The following GNG7 variants were observed in gnomAD, a reference collection of about 807,000 sequenced individuals.
The protein encoded by GNG7 is guanine nucleotide-binding protein G(I)/G(S)/G(O) subunit gamma-7.
Under a neutral mutation model 4.0 loss-of-function variants are expected in GNG7, and 1 was observed. The observed-to-expected ratio is 0.25, with a 90% CI of 0.09 to 1.18. GNG7 has a LOEUF of 1.18. Ranked by LOEUF, GNG7 falls within the 50% of genes most tolerant of loss-of-function variation. The pLI is 0.50. For synonymous variants in GNG7, 34 were observed against 36.9 expected, an observed-to-expected ratio of 0.92 and a Z score of 0.29; for missense variants, 86 against 91.9, an observed-to-expected ratio of 0.94 and a Z score of 0.26.
At chr19:2,660,360 T>C (rs1057462726) in intron 1 of GNG7, among the ~76,000 whole-genome samples, 4 of 152,208 alleles carry the variant, frequency 2.6e-5, no homozygotes, top group South Asian at 2.1e-4. Flanking sequence ...GGGTTGATGC[T>C]GTGGGTAAGA....
Position 2,512,362 on chromosome 19 carries a change from A to G in GNG7, c.*2660T>C. The G allele has an allele frequency of 1.0e-6, 1 of 985,632 alleles. No individual in the cohort carries two copies. The highest frequency in any genetic ancestry group is 1.2e-6 in the Non-Finnish European group (1 of 829,876). 61.1% of individuals were successfully genotyped at this position (985,632 alleles called of 1,614,324 possible). On this transcript the variant is annotated 3_prime_UTR_variant, in exon 5 of 5. Coordinates refer to ENST00000382159, the MANE Select transcript of GNG7 (RefSeq NM_052847.3). This position sits in a 1 kb window ranked among gnomAD's most constrained non-coding sequence, Gnocchi z 4.7. The stretch of plus-strand genomic sequence containing the variant: ...ACTGAAGTCTACTCAAGAAAAAAAA[A>G]AGTGGAGAATTTTTTTTTTAATCCC...
At chr19:2,659,482 T>C (rs1161782058) in intron 1 of GNG7, among the ~76,000 whole-genome samples, 1 of 148,342 alleles carries the variant, frequency 6.7e-6, no homozygotes, top group African/African-American at 2.5e-5. Context: ...CCCAGCTACT[T>C]GGGAAGCTGA....
chr19:2,680,144 C>CTT (rs775146336), intron 1 of GNG7, among the ~76,000 whole-genome samples: 2,906 of 118,908 alleles, frequency 0.024, 163 homozygotes, highest in African/African-American at 0.083. Flanking sequence ...GACCTTGTCT[C>CTT]TTTTTTTTTT....
intron 3 of GNG7, among the ~76,000 whole-genome samples, chr19:2,520,987 G>A (rs943480838): frequency 6.6e-6 from 1 of 152,100 alleles, no homozygotes; most frequent in Non-Finnish European, 1.5e-5. Flanking sequence ...TGGGCGTGGT[G>A]GCTCACGCCT....
At chr19:2,586,638 C>A (rs1039273572) in intron 2 of GNG7, among the ~76,000 whole-genome samples, 2 of 152,178 alleles carry the variant, frequency 1.3e-5, no homozygotes, top group African/African-American at 4.8e-5. Context: ...CACACACGCA[C>A]GCAAGCATCC....
chr19:2,577,949 C>T (rs1053510206), intron 2 of GNG7, among the ~76,000 whole-genome samples: 1 of 151,720 alleles, frequency 6.6e-6, no homozygotes. Context: ...CAGATCCTCC[C>T]ACCTCAGCCC....
chr19:2,552,802 CA>C (rs1201370362), intron 3 of GNG7, among the ~76,000 whole-genome samples: 8 of 150,478 alleles, frequency 5.3e-5, no homozygotes, highest in African/African-American at 1.5e-4. Context: ...ACAAAGTGCA[CA>C]AAAAAAGTAA....
chr19:2,624,541 AAAAAAG>A (rs1981965922), intron 2 of GNG7, among the ~76,000 whole-genome samples: 1 of 151,628 alleles, frequency 6.6e-6, no homozygotes, highest in Non-Finnish European at 1.5e-5. Flanking sequence ...AAAAAAAAAA[AAAAAAG>A]AAAAAGAAAA....
At chr19:2,648,874 T>TG (rs1353474539) in intron 1 of GNG7, among the ~76,000 whole-genome samples, 2 of 150,146 alleles carry the variant, frequency 1.3e-5, no homozygotes, top group African/African-American at 4.9e-5. Flanking sequence ...AATCATGTGT[T>TG]TTTTTTTTTG....
chr19:2,531,664 C>T (rs758162009), intron 3 of GNG7, among the ~76,000 whole-genome samples: 27 of 149,108 alleles, frequency 1.8e-4, no homozygotes, highest in Admixed American at 1.4e-3. Flanking sequence ...CCAGCTACTC[C>T]GGAGGCTGAG....
At chr19:2,677,972 T>C (rs1462885218) in intron 1 of GNG7, among the ~76,000 whole-genome samples, 1 of 152,212 alleles carries the variant, frequency 6.6e-6, no homozygotes, top group Non-Finnish European at 1.5e-5. Context: ...CACATGCATA[T>C]GGTCACACAA....
chr19:2,519,146 C>CTTTTTTT (rs71178282), intron 4 of GNG7, among the ~76,000 whole-genome samples: 212 of 84,476 alleles, frequency 2.5e-3, no homozygotes, highest in African/African-American at 2.9e-3. Context: ...TTTCTTGTTT[C>CTTTTTTT]TTTTTTTTTT....
At chr19:2,689,868 T>A (rs1365873459) in intron 1 of GNG7, among the ~76,000 whole-genome samples, 1 of 151,998 alleles carries the variant, frequency 6.6e-6, no homozygotes, top group African/African-American at 2.4e-5. Context: ...ATACCCAGTG[T>A]TTTCAGCCTT....
chr19:2,627,654 C>T (rs547315561), intron 2 of GNG7, among the ~76,000 whole-genome samples: 15 of 152,328 alleles, frequency 9.8e-5, no homozygotes, highest in South Asian at 4.1e-4. Context: ...CTGATTCAGC[C>T]GGAATATTAG....
chr19:2,582,361 A>C (rs1980526921), intron 2 of GNG7, among the ~76,000 whole-genome samples: 2 of 152,238 alleles, frequency 1.3e-5, no homozygotes, highest in Admixed American at 1.3e-4. Context: ...AAAAAATAAA[A>C]TTGTTAAAAG....
chr19:2,526,186 G>A (rs1225449032), intron 3 of GNG7, among the ~76,000 whole-genome samples: 2 of 151,732 alleles, frequency 1.3e-5, no homozygotes, highest in Admixed American at 6.6e-5. Context: ...TAGCCAGGAT[G>A]GTCTCGATCT....
chr19:2,575,648 GACACGCAGGC>G (rs1183665693), intron 2 of GNG7, among the ~76,000 whole-genome samples: 5 of 134,150 alleles, frequency 3.7e-5, no homozygotes, highest in Non-Finnish European at 7.9e-5. Flanking sequence ...GGCACACGCA[GACACGCAGGC>G]ACACGCAGGC....
intron 2 of GNG7, among the ~76,000 whole-genome samples, chr19:2,645,192 C>A (rs6510692): frequency 6.6e-6 from 1 of 151,418 alleles, no homozygotes; most frequent in African/African-American, 2.4e-5. Context: ...CAAAGCAAAC[C>A]CTAACTCTTT....
intron 1 of GNG7, among the ~76,000 whole-genome samples, chr19:2,650,472 CAAT>C (rs1397726009): frequency 1.3e-5 from 2 of 152,098 alleles, no homozygotes; most frequent in Non-Finnish European, 2.9e-5. Flanking sequence ...TTACAGGCAA[CAAT>C]GATTCCCAGC....
Sources: gnomAD v4.1 joint callset for allele counts (sites outside exome capture counted in the v4.1 genomes callset) on GRCh38, gnomAD v4.1.1 for gene constraint, Gnocchi (gnomAD v3.1) non-coding constraint, MANE v1.5 for transcripts, NCBI Gene and HGNC (gene_info 2026-07-23, HGNC 2026-07-21) for gene names.